The following CEP350 variants were observed in gnomAD, a reference collection of about 807,000 sequenced individuals.
CEP350 encodes the protein centrosome-associated protein 350.
In CEP350, 126 loss-of-function variants were observed where a neutral mutation model predicts 331.8. That is an observed-to-expected ratio of 0.38 (90% confidence interval 0.33 to 0.44). The LOEUF (loss-of-function observed/expected upper bound fraction) is 0.44, where lower values mean the gene tolerates loss of function less well. Among genes scored for constraint, CEP350 ranks in the 20% least tolerant of loss-of-function variants. The probability of loss-of-function intolerance (pLI) is 1.00; values close to 1 mark genes in which losing one functional copy is unlikely to be tolerated. For missense variants in CEP350, 3,406 were observed against 3,634.6 expected (o/e 0.94, Z 1.62); for synonymous variants, 1,200 against 1,259.5 (o/e 0.95, Z 1.00).
chr1:180,045,064 G>A (rs573575006), intron 21 of CEP350, among the ~76,000 whole-genome samples: 3 of 151,964 alleles, frequency 2.0e-5, no homozygotes, highest in South Asian at 2.1e-4. Flanking sequence ...TGAATAGGCC[G>A]GGCACAGTGA....
Position 180,065,178 on chromosome 1 carries a change from G to A in CEP350, c.5473G>A (p.Glu1825Lys). 1.2e-6 allele frequency: 2 copies of A among 1,613,694 alleles called. No homozygotes were observed. The highest frequency in any genetic ancestry group is 1.3e-5 in the African/African-American group (1 of 75,022). The part of the protein sequence containing the change: ...KATSPGPTDL[E>K]TRSPSPISIS... ...AACCAGTCCTGGTCCAACTGACTTG[G>A]AGACCCGCAGTCCTTCTCCCATTTC... The change falls in exon 27 of 38, where the codon GAG (glutamate) becomes AAG (lysine). Residue 1825 changes from glutamate (E) to lysine (K), a missense_variant. By Grantham distance (56) the Glu-to-Lys change is moderately conservative. Transcript: ENST00000367607.
rs1215345811 is a variant in CEP350 at position 180,016,788 on chromosome 1, C to T, written c.2174+818C>T. ...GCTATTCTCTTGCCTCAACTTCCCA[C>T]GTAGCTGGGATTACAGGCATGTGCC... On this transcript the variant is annotated intron_variant, in intron 11 of 37. Coordinates refer to ENST00000367607, the MANE Select transcript of CEP350 (RefSeq NM_014810.5). 5.9e-5 allele frequency among the ~76,000 whole-genome samples: 9 copies of T among 151,742 alleles called. No homozygotes were observed. In the South Asian group the frequency reaches 1.7e-3, roughly 28 times the overall value.
chr1:180,094,365 C>T lies in CEP350; in HGVS notation c.8260C>T (p.Leu2754=). 6.2e-7 allele frequency: 1 copy of T among 1,613,910 alleles called. No individual in the cohort carries two copies. Among genetic ancestry groups the T allele is most frequent in the African/African-American group, 1.3e-5 (1 of 75,040 alleles). ...SKQQLEKISL[L]TDSLLKVFVK... Reference sequence around the variant, plus strand: ...ACAACAACTGGAAAAAATCAGCTTACTGACAGACAGTTTACTAAAAGTCTT... The same window carrying T: ...ACAACAACTGGAAAAAATCAGCTTATTGACAGACAGTTTACTAAAAGTCTT... The change falls in exon 34 of 38, where the codon CTG becomes TTG. Residue 2754 remains leucine (L), a synonymous_variant. Coordinates refer to ENST00000367607, the MANE Select transcript of CEP350 (RefSeq NM_014810.5).
At chr1:180,004,935 C>CTT (rs1375563989) in intron 7 of CEP350, among the ~76,000 whole-genome samples, 5 of 90,712 alleles carry the variant, frequency 5.5e-5, no homozygotes, top group Admixed American at 1.6e-4. Flanking sequence ...TTCTTTCTTT[C>CTT]TTTCTTTCTT....
chr1:179,997,052 A>G lies in CEP350; in HGVS notation c.895A>G (p.Thr299Ala), dbSNP rs775320063. The change falls in exon 6 of 38, where the codon ACA becomes GCA. Residue 299 changes from threonine to alanine, a missense_variant. Around this residue, in one of 5 missense-constraint regions of CEP350, gnomAD observed 1,857 missense variants for 1,909.2 expected, o/e 0.97. Transcript: ENST00000367607. The part of the protein sequence containing the change: ...IRKQWEHSEE[T>A]NGRGQKLGHI... The stretch of plus-strand genomic sequence containing the variant: ...AAAACAGTGGGAACACTCAGAAGAA[A>G]CAAATGGCCGGGGCCAGAAGCTGGG... 1 of 1,614,052 alleles carries G rather than the reference A, an allele frequency of 6.2e-7. No homozygotes were observed.
At chr1:180,017,991 A>G (rs1379162121) in intron 11 of CEP350, among the ~76,000 whole-genome samples, 1 of 152,088 alleles carries the variant, frequency 6.6e-6, no homozygotes, top group Non-Finnish European at 1.5e-5. Flanking sequence ...CTTAAAGTGT[A>G]AGGATTAAGC....
intron 33 of CEP350, among the ~76,000 whole-genome samples, chr1:180,091,773 C>T (rs930177424): frequency 1.3e-5 from 2 of 150,760 alleles, no homozygotes; most frequent in Admixed American, 6.6e-5. Context: ...GAGTCTACAG[C>T]GAGTTGTGAT....
chr1:180,088,793 G>T (rs1308539388), intron 32 of CEP350, among the ~76,000 whole-genome samples: 5 of 152,176 alleles, frequency 3.3e-5, no homozygotes, highest in Non-Finnish European at 7.3e-5. Flanking sequence ...CACATGTTAT[G>T]AGGGTTAAAA....
intron 7 of CEP350, among the ~76,000 whole-genome samples, chr1:180,004,898 G>GCTTTCTTTCTTTCTTTCTTT (rs1491096254): frequency 4.1e-5 from 5 of 121,408 alleles, no homozygotes; most frequent in Non-Finnish European, 6.8e-5. Flanking sequence ...TTGCTTGCTT[G>GCTTTCTTTCTTTCTTTCTTT]CTTGCTTGCT....
intron 37 of CEP350, among the ~76,000 whole-genome samples, chr1:180,109,270 C>T (rs1661344146): frequency 6.6e-6 from 1 of 151,942 alleles, no homozygotes; most frequent in South Asian, 2.1e-4. Flanking sequence ...CAGGTGCACA[C>T]AACCACACCC....
At chr1:180,067,717 A>G (rs1469683434) in intron 27 of CEP350, among the ~76,000 whole-genome samples, 1 of 152,218 alleles carries the variant, frequency 6.6e-6, no homozygotes, top group Non-Finnish European at 1.5e-5. Flanking sequence ...AGGATGAACT[A>G]AAGTATTTTC....
At chr1:180,007,434 T>G (rs1654334372) in intron 8 of CEP350, among the ~76,000 whole-genome samples, 1 of 152,212 alleles carries the variant, frequency 6.6e-6, no homozygotes, top group South Asian at 2.1e-4. Context: ...TCATATACTT[T>G]GCCCACTTTT....
At chr1:180,016,660 G>GTTTTTTT (rs10660202) in intron 11 of CEP350, among the ~76,000 whole-genome samples, 1 of 128,268 alleles carries the variant, frequency 7.8e-6, no homozygotes, top group Non-Finnish European at 1.6e-5. Flanking sequence ...TTTGGGTTAT[G>GTTTTTTT]TTTTTTTTTT....
intron 17 of CEP350, among the ~76,000 whole-genome samples, chr1:180,037,712 C>T (rs889903181): frequency 1.3e-5 from 2 of 152,052 alleles, no homozygotes; most frequent in Admixed American, 6.5e-5. Flanking sequence ...TGCAGTGGCA[C>T]GATCTCGGCT....
chr1:180,020,505 C>T lies in CEP350; in HGVS notation c.2731C>T (p.Pro911Ser). Residue 911 changes from proline to serine, a missense_variant, in exon 12 of 38, where the codon CCT becomes TCT. Transcript: ENST00000367607. ...TCATGCAACTTTTGATGATGATCTT[C>T]CTGGTGTAGGCAATCTTAGTGAATT... ...VSHATFDDDL[P>S]GVGNLSEFKK... is the part of the protein sequence containing the mutation. 1 of 1,613,940 alleles carries T rather than the reference C, an allele frequency of 6.2e-7. No homozygotes were observed. Among genetic ancestry groups the T allele is most frequent in the Non-Finnish European group, 8.5e-7 (1 of 1,179,880 alleles).
Position 180,015,554 on chromosome 1 carries a change from A to G in CEP350, c.2053-295A>G, listed in dbSNP as rs539333672. On this transcript the variant is annotated intron_variant, in intron 10 of 37. Coordinates refer to ENST00000367607, the MANE Select transcript of CEP350 (RefSeq NM_014810.5). ...TGGCCGGAAATTGTTTATTTTTTGT[A>G]GAGACAGGGTCGCACTGTGTTGCCC... Among the ~76,000 whole-genome samples the G allele has an allele frequency of 6.6e-5, 10 of 152,164 alleles. No homozygotes were observed. The East Asian group carries it at 1.9e-3, about 29-fold the overall frequency.
At chr1:180,058,352 A>G (rs975331433) in intron 25 of CEP350, among the ~76,000 whole-genome samples, 1 of 152,218 alleles carries the variant, frequency 6.6e-6, no homozygotes, top group African/African-American at 2.4e-5. Context: ...AGAAGCTGTC[A>G]TATTGGACAG....
Position 179,997,046 on chromosome 1 carries a change from GAAGAAACAA to G in CEP350, c.891_899del (p.Glu297_Asn300delinsAsp). 5.6e-6 allele frequency: 9 copies of G among 1,614,002 alleles called. No individual in the cohort carries two copies. Among genetic ancestry groups the G allele is most frequent in the Non-Finnish European group, 7.6e-6 (9 of 1,179,882 alleles). ...GATTAGAAAACAGTGGGAACACTCAGAAGAAACAAATGGCCGGGGCCAGAAGCTGGGTCA... is the reference window on the plus strand; with the variant it reads ...GATTAGAAAACAGTGGGAACACTCAGATGGCCGGGGCCAGAAGCTGGGTCA... On this transcript the variant is annotated inframe_deletion, in exon 6 of 38. Coordinates refer to ENST00000367607, the MANE Select transcript of CEP350 (RefSeq NM_014810.5).
chr1:180,014,018 A>G lies in CEP350; in HGVS notation c.1565A>G (p.Asp522Gly), dbSNP rs111349041. The G allele has an allele frequency of 2.0e-3, 3,258 of 1,613,644 alleles. 54 individuals are homozygous for G. In the African/African-American group the frequency reaches 0.037, roughly 18 times the overall value. The change falls in exon 10 of 38, where the codon GAC becomes GGC. Residue 522 changes from aspartate (D) to glycine (G), a missense_variant. Asp to Gly is a moderately conservative substitution (Grantham distance 94). This residue lies in a region of CEP350 where 1,857 missense variants were observed against 1,909.2 expected (regional missense o/e 0.97). Coordinates refer to ENST00000367607, the MANE Select transcript of CEP350 (RefSeq NM_014810.5). ...KQEENTALNK[D>G]FLPIEIRGIL... is the part of the protein sequence containing the mutation. Reference sequence around the variant, plus strand: ...GAGGAAAATACTGCCTTAAATAAGGACTTTTTACCTATTGAAATTCGTGGC... The same window carrying G: ...GAGGAAAATACTGCCTTAAATAAGGGCTTTTTACCTATTGAAATTCGTGGC...
Sources: allele counts gnomAD v4.1 joint callset (sites outside exome capture counted in the v4.1 genomes callset), GRCh38; gene constraint gnomAD v4.1.1; regional missense constraint gnomAD v4.1.1; transcripts MANE v1.5; gene names NCBI Gene and HGNC (gene_info 2026-07-23, HGNC 2026-07-21).